The following CADPS2 variants were observed in gnomAD, a reference collection of about 807,000 sequenced individuals.
The protein encoded by CADPS2 is calcium dependent secretion activator 2, also known as calcium-dependent secretion activator 2.
In CADPS2, 93 loss-of-function variants were observed where a neutral mutation model predicts 172.5. The observed-to-expected ratio is 0.54, with a 90% CI of 0.46 to 0.64. The LOEUF (loss-of-function observed/expected upper bound fraction) is 0.64. Among genes scored for constraint, CADPS2 ranks in the 30% least tolerant of loss-of-function variants. The pLI is 0.00. For missense variants in CADPS2, 1,420 were observed against 1,565.9 expected, an observed-to-expected ratio of 0.91 and a Z score of 1.57; for synonymous variants, 546 against 555.2, an observed-to-expected ratio of 0.98 and a Z score of 0.23.
chr7:122,574,030 A>G (rs1323491480), intron 7 of CADPS2, among the ~76,000 whole-genome samples: 1 of 152,168 alleles, frequency 6.6e-6, no homozygotes, highest in African/African-American at 2.4e-5. Flanking sequence ...AAAAATGTTT[A>G]TCTTTACTAT....
intron 20 of CADPS2, among the ~76,000 whole-genome samples, chr7:122,400,192 T>C (rs889699041): frequency 6.6e-6 from 1 of 151,744 alleles, no homozygotes; most frequent in Non-Finnish European, 1.5e-5. Flanking sequence ...TCCCAGCACT[T>C]TGGGAGGCCG....
intron 17 of CADPS2, among the ~76,000 whole-genome samples, chr7:122,434,340 G>GA (rs1006883702): frequency 1.9e-4 from 28 of 146,572 alleles, no homozygotes; most frequent in African/African-American, 3.0e-4. Flanking sequence ...AAAGGTAGGG[G>GA]AAAAAAAAAA....
intron 1 of CADPS2, among the ~76,000 whole-genome samples, chr7:122,783,709 C>T (rs1793352154): frequency 6.6e-6 from 1 of 152,026 alleles, no homozygotes; most frequent in Admixed American, 6.5e-5. Flanking sequence ...GAGTCAAAAC[C>T]ATTAGAGGAT....
intron 4 of CADPS2, among the ~76,000 whole-genome samples, chr7:122,628,077 A>G (rs1348627524): frequency 6.6e-6 from 1 of 152,018 alleles, no homozygotes; most frequent in African/African-American, 2.4e-5. Flanking sequence ...TCATCTAGAG[A>G]TTCTTCCTCA....
Position 122,621,072 on chromosome 7 carries a change from A to AT in CADPS2, c.1104+408dup, listed in dbSNP as rs112732946. Among the ~76,000 whole-genome samples, 793 of 145,920 alleles carry AT rather than the reference A, an allele frequency of 5.4e-3. 6 individuals are homozygous for AT. Among genetic ancestry groups the AT allele is most frequent in the African/African-American group, 0.018 (716 of 40,032 alleles). ...ACGCTCACATCATCATGACTGGATA[A>AT]TTTTTTTTTTTTAGAAACAGGGTCT... is the stretch of plus-strand genomic sequence containing the variant. On this transcript the variant is annotated intron_variant, in intron 5 of 29. Transcript: ENST00000449022.
chr7:122,711,642 A>G (rs371877711), intron 2 of CADPS2, among the ~76,000 whole-genome samples: 10 of 152,160 alleles, frequency 6.6e-5, no homozygotes, highest in African/African-American at 2.4e-4. Context: ...AACTGTCACA[A>G]TATATGTTTT....
chr7:122,577,109 T>C (rs1373217981), intron 7 of CADPS2, among the ~76,000 whole-genome samples: 1 of 152,048 alleles, frequency 6.6e-6, no homozygotes, highest in East Asian at 1.9e-4. Context: ...CTTGCACTTA[T>C]TCTCTCTCCT....
At chr7:122,690,698 A>C (rs560689712) in intron 2 of CADPS2, among the ~76,000 whole-genome samples, 1 of 152,078 alleles carries the variant, frequency 6.6e-6, no homozygotes, top group South Asian at 2.1e-4. Flanking sequence ...GTAATTCTAT[A>C]ACTTTCACAT....
intron 16 of CADPS2, chr7:122,440,523 G>A (rs1033856599): frequency 6.6e-6 from 1 of 152,108 alleles, no homozygotes; most frequent in Non-Finnish European, 1.5e-5. Context: ...GGATAAGACA[G>A]GGATATAAAA....
chr7:122,551,424 T>C (rs1266525230), intron 8 of CADPS2, among the ~76,000 whole-genome samples: 2 of 152,012 alleles, frequency 1.3e-5, no homozygotes, highest in Non-Finnish European at 2.9e-5. Context: ...TAGAGTACAG[T>C]TGAGAACACA....
At chr7:122,387,326 GCTTTT>G (rs796816501) in intron 23 of CADPS2, among the ~76,000 whole-genome samples, 153 bp from the exon 24 acceptor site, 17 of 152,146 alleles carry the variant, frequency 1.1e-4, no homozygotes, top group Admixed American at 4.6e-4. Flanking sequence ...GGGGTGGGAT[GCTTTT>G]CTTTTCAAGT....
chr7:122,769,087 A>G (rs980206892), intron 1 of CADPS2, among the ~76,000 whole-genome samples: 5 of 152,216 alleles, frequency 3.3e-5, no homozygotes, highest in Non-Finnish European at 5.9e-5. Context: ...AGAGTTTCAG[A>G]GAATCAAGTA....
At chr7:122,642,082 C>T (rs2471198) in intron 3 of CADPS2, among the ~76,000 whole-genome samples, 78,335 of 151,318 alleles carry the variant, frequency 0.52, 20,542 homozygotes, top group East Asian at 0.72. Flanking sequence ...GAGTTCGAGA[C>T]CAGCCTGGCC....
intron 7 of CADPS2, 119 bp downstream of exon 7, chr7:122,581,060 A>C: frequency 1.5e-6 from 1 of 686,546 alleles, no homozygotes; most frequent in East Asian, 2.7e-5. Context: ...GAAATAACAA[A>C]TTATTTTATG....
In CADPS2 at chr7:122,579,901, A is replaced by G. The variant is rs558428845; in HGVS notation, c.1335+1278T>C. On this transcript the variant is annotated intron_variant, in intron 7 of 29. Transcript: ENST00000449022. ...GTCAAAATCTCTGGAGTGTAGATAC[A>G]GACTTACAAATCCCTAGAAATAGAA... Among the ~76,000 whole-genome samples, 7 of 152,082 alleles carry G rather than the reference A, an allele frequency of 4.6e-5. No homozygotes were observed. In the South Asian group the frequency reaches 1.2e-3, roughly 27 times the overall value.
At chr7:122,646,046 A>G (rs930174712) in intron 3 of CADPS2, among the ~76,000 whole-genome samples, 2 of 151,988 alleles carry the variant, frequency 1.3e-5, no homozygotes, top group African/African-American at 4.8e-5. Flanking sequence ...AAGTAAAGTA[A>G]CAAAGACACT....
rs144882104 is a variant in CADPS2, at chr7:122,720,503, C to T, written c.453+16452G>A. Among the ~76,000 whole-genome samples the T allele has an allele frequency of 4.0e-3, 594 of 149,176 alleles. 3 individuals carry two copies. Among genetic ancestry groups the T allele is most frequent in the Non-Finnish European group, 6.5e-3 (436 of 67,384 alleles). The stretch of plus-strand genomic sequence containing the variant: ...GTATGTATATATGTATATGTATATA[C>T]GTATAAGTATATATACATATGTGTA... On this transcript the variant is annotated intron_variant, in intron 2 of 29. Transcript: ENST00000449022.
chr7:122,495,289 C>A (rs2058646898), intron 9 of CADPS2, among the ~76,000 whole-genome samples: 1 of 152,094 alleles, frequency 6.6e-6, no homozygotes, highest in Non-Finnish European at 1.5e-5. Flanking sequence ...TACATACTCA[C>A]CCAAGACAAT....
chr7:122,369,141 C>G lies in CADPS2; in HGVS notation c.3388-8128G>C, dbSNP rs76408887. The stretch of plus-strand genomic sequence containing the variant: ...GAATTTTTGTTTCCCCCCCCCCCCC[C>G]CTTTTTTTTTTTTTGAGTCTCGCTC... On this transcript the variant is annotated intron_variant, in intron 25 of 29. Coordinates refer to ENST00000449022, the MANE Select transcript of CADPS2 (RefSeq NM_017954.11). Among the ~76,000 whole-genome samples, 22 of 72,776 alleles carry G rather than the reference C, an allele frequency of 3.0e-4. 2 individuals carry two copies. The highest frequency in any genetic ancestry group is 9.1e-4 in the Admixed American group (5 of 5,482). 47.7% of individuals were successfully genotyped at this position (72,776 alleles called of 152,430 possible).
Sources: gnomAD v4.1 joint callset for allele counts (sites outside exome capture counted in the v4.1 genomes callset) on GRCh38, gnomAD v4.1.1 for gene constraint, MANE v1.5 for transcripts, NCBI Gene and HGNC (gene_info 2026-07-23, HGNC 2026-07-21) for gene names.